FYB2: variants seen among roughly 807,000 people sequenced by gnomAD.
FYB2 encodes the protein FYN-binding protein 2.
Under a neutral mutation model 94.1 loss-of-function variants are expected in FYB2, and 103 were observed. That is an observed-to-expected ratio of 1.09 (90% CI 0.93 to 1.29). The LOEUF (loss-of-function observed/expected upper bound fraction) is 1.29. FYB2 is among the 50% of genes most tolerant of loss of function. The probability of loss-of-function intolerance (pLI) is 0.00; values close to 1 mark genes in which losing one functional copy is unlikely to be tolerated. For missense variants in FYB2, 896 were observed against 841.5 expected, an observed-to-expected ratio of 1.06 and a Z score of -0.80; for synonymous variants, 293 against 287.9, an observed-to-expected ratio of 1.02 and a Z score of -0.18.
chr1:56,788,127 T>C (rs895710874), intron 3 of FYB2, among the ~76,000 whole-genome samples: 2 of 152,186 alleles, frequency 1.3e-5, no homozygotes, highest in African/African-American at 4.8e-5. Flanking sequence ...CAGCAATCTA[T>C]GTTTTAAAAA....
intron 1 of FYB2, among the ~76,000 whole-genome samples, chr1:56,803,635 T>C (rs1646571479): frequency 6.6e-6 from 1 of 152,190 alleles, no homozygotes; most frequent in Non-Finnish European, 1.5e-5. Context: ...AAAAAAATAA[T>C]ATAGTGTTTC....
chr1:56,750,284 C>A (rs907462232), intron 9 of FYB2, among the ~76,000 whole-genome samples: 25 of 152,008 alleles, frequency 1.6e-4, no homozygotes, highest in African/African-American at 5.8e-4. Context: ...GTAGTAGTAT[C>A]ACCATTTGCA....
At chr1:56,739,486 G>T (rs1337014554) in intron 13 of FYB2, among the ~76,000 whole-genome samples, 1 of 152,002 alleles carries the variant, frequency 6.6e-6, no homozygotes, top group Non-Finnish European at 1.5e-5. Flanking sequence ...TAATCAAAAA[G>T]AACTTCAGGG....
intron 19 of FYB2, 66 bp from the exon 20 acceptor site, chr1:56,719,758 T>C: frequency 2.2e-6 from 3 of 1,338,126 alleles, no homozygotes; most frequent in South Asian, 2.7e-5. Context: ...GAGTGGGAGA[T>C]TTCTAGGGAA....
chr1:56,751,568 T>C (rs1377615513), intron 8 of FYB2, among the ~76,000 whole-genome samples: 2 of 152,096 alleles, frequency 1.3e-5, no homozygotes, highest in Non-Finnish European at 2.9e-5. Flanking sequence ...AACTGGTCAC[T>C]GGTTCCACAG....
chr1:56,817,992 A>G (rs2101123837), intron 1 of FYB2, among the ~76,000 whole-genome samples: 1 of 152,308 alleles, frequency 6.6e-6, no homozygotes, highest in South Asian at 2.1e-4. Flanking sequence ...AAATGGGGCA[A>G]TGGCATAGAC....
chr1:56,806,274 A>G lies in FYB2; in HGVS notation c.9+13008T>C, dbSNP rs12748522. On this transcript the variant is annotated intron_variant, in intron 1 of 19. Coordinates refer to ENST00000343433, the MANE Select transcript of FYB2 (RefSeq NM_001004303.5). ...GGGGACAGAGAGAACTTTCCAGAGA[A>G]AGTGAGACAGACATAAAGAACAAAT... is the stretch of plus-strand genomic sequence containing the variant. Among the ~76,000 whole-genome samples, 342 of 152,320 alleles carry G rather than the reference A, an allele frequency of 2.2e-3. No homozygotes were observed. The Middle Eastern group carries it at 0.051, about 23-fold the overall frequency.
chr1:56,787,085 C>T (rs555472071), intron 4 of FYB2, 90 bp downstream of exon 4: 1 of 1,384,202 alleles, frequency 7.2e-7, no homozygotes, highest in East Asian at 2.3e-5. Context: ...AATACAGATT[C>T]TTGGTTTGTG....
chr1:56,814,001 C>T (rs1390739111), intron 1 of FYB2, among the ~76,000 whole-genome samples: 1 of 152,166 alleles, frequency 6.6e-6, no homozygotes, highest in Admixed American at 6.5e-5. Flanking sequence ...TGGGATCTCA[C>T]AGTCTAGACC....
upstream of FYB2, chr1:56,819,583 G>A (rs184727081): frequency 3.9e-4 from 217 of 551,248 alleles, no homozygotes; most frequent in Middle Eastern, 9.7e-4. Flanking sequence ...CTCAGCAAGC[G>A]GCTCTTCCCG....
At chr1:56,759,214 C>T (rs958558811) in intron 5 of FYB2, among the ~76,000 whole-genome samples, 3 of 152,136 alleles carry the variant, frequency 2.0e-5, no homozygotes, top group South Asian at 2.1e-4. Flanking sequence ...CTAAGGCTGA[C>T]CCACCTTTTG....
rs1229573233 is a variant in FYB2, at chr1:56,737,144, A to G, written c.1736T>C (p.Leu579Pro). Reference protein sequence around the residue: ...AFSILLPDLELKSQEVIIYDD... With the variant: ...AFSILLPDLEPKSQEVIIYDD... ...ATAAATAATAACTTCCTGAGACTTA[A>G]GTTCTAGGGTCAAGACAGAATCAAA... The change falls in exon 15 of 20, where the codon CTT becomes CCT. Residue 579 changes from leucine (L) to proline (P), a missense_variant. Physicochemically the swap from Leu to Pro is moderately conservative, Grantham distance 98. Transcript: ENST00000343433. 2 of 1,604,374 alleles carry G rather than the reference A, an allele frequency of 1.2e-6. No individual in the cohort carries two copies. Among genetic ancestry groups the G allele is most frequent in the East Asian group, 2.2e-5 (1 of 44,542 alleles).
chr1:56,783,632 G>A (rs1646059849), intron 4 of FYB2, among the ~76,000 whole-genome samples: 1 of 152,126 alleles, frequency 6.6e-6, no homozygotes. Flanking sequence ...GAGAGTTTGG[G>A]TAGGGAGGTC....
intron 8 of FYB2, among the ~76,000 whole-genome samples, chr1:56,753,587 G>T (rs1316137312): frequency 1.3e-5 from 2 of 152,124 alleles, no homozygotes; most frequent in African/African-American, 4.8e-5. Flanking sequence ...CTTATAGTTT[G>T]CACCCTGGGT....
chr1:56,738,083 C>G (rs746993368), intron 14 of FYB2, among the ~76,000 whole-genome samples: 4 of 152,082 alleles, frequency 2.6e-5, no homozygotes, highest in Non-Finnish European at 5.9e-5. Context: ...ATTCAATGTA[C>G]TGAACGTGTA....
At chr1:56,818,601 C>T (rs759794300) in intron 1 of FYB2, among the ~76,000 whole-genome samples, 9 of 152,060 alleles carry the variant, frequency 5.9e-5, no homozygotes, top group South Asian at 2.1e-4. Context: ...TCAGGCAAGA[C>T]GTCTCCAACT....
At chr1:56,766,041 C>T (rs1279985035) in intron 5 of FYB2, among the ~76,000 whole-genome samples, 2 of 152,168 alleles carry the variant, frequency 1.3e-5, no homozygotes, top group East Asian at 3.9e-4. Flanking sequence ...AATTCTTAGC[C>T]TTGTAGAAGG....
chr1:56,816,801 T>C (rs1208785335), intron 1 of FYB2, among the ~76,000 whole-genome samples: 1 of 152,116 alleles, frequency 6.6e-6, no homozygotes, highest in Non-Finnish European at 1.5e-5. Flanking sequence ...GTCATCTTGG[T>C]AAACCTTGAT....
chr1:56,724,058 C>CT lies in FYB2; in HGVS notation c.1881-378dup, dbSNP rs1413386764. Reference sequence around the variant, plus strand: ...GTCTGAATGAGACTTAGAGATATAACTTTTTCTTTTTTTTAGGTTTAGGAA... The same window carrying CT: ...GTCTGAATGAGACTTAGAGATATAACTTTTTTCTTTTTTTTAGGTTTAGGAA... On this transcript the variant is annotated intron_variant, in intron 16 of 19. Coordinates refer to ENST00000343433, the MANE Select transcript of FYB2 (RefSeq NM_001004303.5). Among the ~76,000 whole-genome samples the CT allele has an allele frequency of 3.5e-4, 50 of 142,560 alleles. 1 individual carries two copies. Among genetic ancestry groups the CT allele is most frequent in the Middle Eastern group, 7.1e-3 (2 of 280 alleles). The allele number at this position is 142,560 out of a possible 152,430, so 93.5% of individuals were successfully genotyped here.
Sources: gnomAD v4.1 joint callset for allele counts (sites outside exome capture counted in the v4.1 genomes callset) on GRCh38, gnomAD v4.1.1 for gene constraint, MANE v1.5 for transcripts, NCBI Gene and HGNC (gene_info 2026-07-23, HGNC 2026-07-21) for gene names.